The following MED27 variants were observed in gnomAD, a reference collection of about 807,000 sequenced individuals.
MED27 encodes mediator complex subunit 27.
Under a neutral mutation model 38.2 loss-of-function variants are expected in MED27, and 30 were observed. The observed-to-expected ratio is 0.79, with a 90% CI of 0.59 to 1.07. MED27 has a LOEUF of 1.07. Ranked by LOEUF, MED27 falls within the 50% of genes least tolerant of loss-of-function variation. The pLI, the probability that MED27 is intolerant of heterozygous loss-of-function variation, is 0.00. For missense variants in MED27, 289 were observed against 397.5 expected (o/e 0.73, Z 2.32); for synonymous variants, 122 against 153.5 (o/e 0.79, Z 1.52).
intron 2 of MED27, among the ~76,000 whole-genome samples, chr9:132,024,618 T>G (rs558164126): frequency 1.3e-5 from 2 of 152,192 alleles, no homozygotes; most frequent in Non-Finnish European, 2.9e-5. Flanking sequence ...TCTAAATGAG[T>G]AGCTATATTG....
chr9:132,060,719 C>T (rs1315950677), intron 2 of MED27, among the ~76,000 whole-genome samples: 5 of 152,288 alleles, frequency 3.3e-5, no homozygotes, highest in East Asian at 3.9e-4. Context: ...GAGGCTGGGA[C>T]GGGCAGATCA....
chr9:131,928,281 T>TCCA (rs1454134910), intron 4 of MED27, among the ~76,000 whole-genome samples: 7 of 152,066 alleles, frequency 4.6e-5, no homozygotes, highest in Non-Finnish European at 7.4e-5. Context: ...GGCTAACACT[T>TCCA]AAAAATGTAT....
intron 3 of MED27, among the ~76,000 whole-genome samples, chr9:131,973,478 AG>A (rs1831530643): frequency 1.6e-5 from 1 of 61,274 alleles, no homozygotes; most frequent in African/African-American, 9.3e-5. Context: ...TTTTTTTTTG[AG>A]ATAGAGTCTC....
At chr9:131,897,850 T>G (rs572797360) in intron 4 of MED27, among the ~76,000 whole-genome samples, 21 of 152,380 alleles carry the variant, frequency 1.4e-4, no homozygotes, top group African/African-American at 5.1e-4. Flanking sequence ...ATTACAAGTC[T>G]GCTCGTATCA....
chr9:131,882,895 G>C (rs1253095902), intron 6 of MED27, among the ~76,000 whole-genome samples: 1 of 152,050 alleles, frequency 6.6e-6, no homozygotes, highest in African/African-American at 2.4e-5. Context: ...ACAGAGCAAA[G>C]GGGCTCAGTG....
intron 3 of MED27, among the ~76,000 whole-genome samples, chr9:131,983,596 C>A (rs144681648): frequency 0.016 from 2,469 of 152,278 alleles, 55 homozygotes; most frequent in African/African-American, 0.051. Context: ...TTTTTAGCAT[C>A]TAAAAATGTG....
At chr9:131,887,804 AT>A (rs1839165688) in intron 5 of MED27, among the ~76,000 whole-genome samples, 1 of 152,250 alleles carries the variant, frequency 6.6e-6, no homozygotes, top group African/African-American at 2.4e-5. Context: ...CATAAGAAAG[AT>A]CTGAAAACAC....
chr9:132,039,206 G>A (rs1013114627), intron 2 of MED27, among the ~76,000 whole-genome samples: 3 of 152,098 alleles, frequency 2.0e-5, no homozygotes, highest in Non-Finnish European at 4.4e-5. Flanking sequence ...TAAGAGATTT[G>A]CCGTACAGTT....
At chr9:132,062,311 G>A (rs930297174) in intron 2 of MED27, among the ~76,000 whole-genome samples, 8 of 152,248 alleles carry the variant, frequency 5.3e-5, no homozygotes, top group African/African-American at 1.9e-4. Flanking sequence ...GGGCAACACG[G>A]GAGCGGGCAG....
chr9:132,057,481 C>A (rs1310887021), intron 2 of MED27, among the ~76,000 whole-genome samples: 1 of 152,224 alleles, frequency 6.6e-6, no homozygotes, highest in African/African-American at 2.4e-5. Context: ...GGGAACAGAG[C>A]TGGGCTGCGC....
chr9:131,999,061 C>G (rs941546830), intron 3 of MED27, among the ~76,000 whole-genome samples: 2 of 152,152 alleles, frequency 1.3e-5, no homozygotes, highest in Admixed American at 1.3e-4. Flanking sequence ...TCTAAGGAAA[C>G]CTTTGGAACA....
intron 4 of MED27, among the ~76,000 whole-genome samples, chr9:131,907,827 G>A (rs1367853354): frequency 1.3e-5 from 2 of 149,544 alleles, no homozygotes; most frequent in South Asian, 4.3e-4. Context: ...ATCTCTGCCC[G>A]GCCGCCCATC....
intron 1 of MED27, among the ~76,000 whole-genome samples, chr9:132,078,668 C>T (rs1045832510): frequency 2.6e-5 from 4 of 152,164 alleles, no homozygotes; most frequent in Middle Eastern, 3.4e-3. Flanking sequence ...ACTAAGGAGA[C>T]CAAGTTGAAA....
intron 4 of MED27, among the ~76,000 whole-genome samples, chr9:131,929,594 G>A (rs1480879214): frequency 1.3e-5 from 2 of 152,144 alleles, no homozygotes; most frequent in African/African-American, 4.8e-5. Context: ...AAGGGCCCCC[G>A]GACTTTCAGT....
At chr9:131,999,569 T>C (rs1832175635) in intron 3 of MED27, among the ~76,000 whole-genome samples, 1 of 152,162 alleles carries the variant, frequency 6.6e-6, no homozygotes, top group Admixed American at 6.5e-5. Context: ...TAAGGGAAGG[T>C]TATTCATCAC....
chr9:131,968,490 A>T (rs902796782), intron 3 of MED27, among the ~76,000 whole-genome samples: 6 of 151,758 alleles, frequency 4.0e-5, no homozygotes, highest in African/African-American at 9.7e-5. Flanking sequence ...AAAAAAAAAA[A>T]AAAATCGTAG....
chr9:131,948,352 T>G (rs1830923579), intron 3 of MED27, among the ~76,000 whole-genome samples: 1 of 151,816 alleles, frequency 6.6e-6, no homozygotes, highest in Admixed American at 6.6e-5. Context: ...CAGGGCATGG[T>G]GGCATGCGCC....
At chr9:132,042,408 G>A (rs1833237536) in intron 2 of MED27, among the ~76,000 whole-genome samples, 1 of 152,180 alleles carries the variant, frequency 6.6e-6, no homozygotes, top group Admixed American at 6.5e-5. Context: ...ACGAGGTAAA[G>A]TCACTTGCTG....
chr9:132,047,923 G>A (rs1396468946), intron 2 of MED27, among the ~76,000 whole-genome samples: 1 of 152,054 alleles, frequency 6.6e-6, no homozygotes, highest in Non-Finnish European at 1.5e-5. Flanking sequence ...AATGCTGATG[G>A]TGTTTAAAGC....
Sources: allele counts gnomAD v4.1 joint callset (sites outside exome capture counted in the v4.1 genomes callset), GRCh38; gene constraint gnomAD v4.1.1; transcripts MANE v1.5; gene names NCBI Gene and HGNC (gene_info 2026-07-23, HGNC 2026-07-21).